SEMA6D: variants seen among roughly 807,000 people sequenced by gnomAD.
SEMA6D encodes semaphorin 6D.
Under a neutral mutation model 106.6 loss-of-function variants are expected in SEMA6D, and 35 were observed. The ratio of observed to expected loss-of-function variants is 0.33; its 90% CI spans 0.25 to 0.44. SEMA6D has a LOEUF of 0.44. SEMA6D is among the 20% of genes least tolerant of loss of function. The pLI is 1.00. For missense variants in SEMA6D, 1,185 were observed against 1,345.9 expected (o/e 0.88, Z 1.87); for synonymous variants, 499 against 487.7 (o/e 1.02, Z -0.31).
intron 1 of SEMA6D, among the ~76,000 whole-genome samples, chr15:47,195,407 A>T (rs1894269905): frequency 6.6e-6 from 1 of 152,212 alleles, no homozygotes; most frequent in African/African-American, 2.4e-5. Context: ...AAAAATGATT[A>T]TCTGGTGTTG....
chr15:47,717,948 G>GAC (rs2079188683), intron 1 of SEMA6D, among the ~76,000 whole-genome samples: 1 of 151,918 alleles, frequency 6.6e-6, no homozygotes, highest in Admixed American at 6.5e-5. Context: ...CGCGCAAAGG[G>GAC]CTAGAGAGGT....
chr15:47,498,648 GAT>G (rs1319379798), intron 3 of SEMA6D, among the ~76,000 whole-genome samples: 1 of 152,068 alleles, frequency 6.6e-6, no homozygotes, highest in East Asian at 1.9e-4. Flanking sequence ...AAATTTGAAG[GAT>G]ATGTTTATCA....
chr15:47,376,113 T>A (rs1416476966), intron 1 of SEMA6D, among the ~76,000 whole-genome samples: 1 of 152,232 alleles, frequency 6.6e-6, no homozygotes, highest in African/African-American at 2.4e-5. Context: ...TAGTCTCTTT[T>A]AGAAGAAAAC....
chr15:47,335,701 G>A (rs550643261), intron 1 of SEMA6D, among the ~76,000 whole-genome samples: 1 of 152,092 alleles, frequency 6.6e-6, no homozygotes, highest in African/African-American at 2.4e-5. Flanking sequence ...TTCCACATAT[G>A]GGTCTCACTG....
chr15:47,401,626 T>G (rs2040403907), intron 1 of SEMA6D, among the ~76,000 whole-genome samples: 1 of 152,188 alleles, frequency 6.6e-6, no homozygotes. Flanking sequence ...TTACACTGTT[T>G]CCCAAGAATG....
chr15:47,511,719 G>A (rs1414108852), intron 3 of SEMA6D, among the ~76,000 whole-genome samples: 2 of 152,138 alleles, frequency 1.3e-5, no homozygotes, highest in African/African-American at 4.8e-5. Flanking sequence ...AGGAAATCAA[G>A]GGAGCTGAGT....
chr15:47,210,843 T>G (rs1451027848), intron 1 of SEMA6D, among the ~76,000 whole-genome samples: 1 of 151,974 alleles, frequency 6.6e-6, no homozygotes, highest in East Asian at 1.9e-4. Context: ...AGTTAAACCT[T>G]TCATCGGTAA....
chr15:47,198,582 G>C (rs962096563), intron 1 of SEMA6D, among the ~76,000 whole-genome samples: 2 of 152,150 alleles, frequency 1.3e-5, no homozygotes, highest in Non-Finnish European at 2.9e-5. Flanking sequence ...AAGGGCTCCT[G>C]TGTTGTGTAA....
chr15:47,373,178 C>T (rs910390973), intron 1 of SEMA6D, among the ~76,000 whole-genome samples: 2 of 152,118 alleles, frequency 1.3e-5, no homozygotes, highest in Non-Finnish European at 2.9e-5. Flanking sequence ...CTATGGAGCC[C>T]ATAATATCCA....
intron 1 of SEMA6D, among the ~76,000 whole-genome samples, chr15:47,720,963 C>T (rs1186694290): frequency 6.6e-6 from 1 of 152,100 alleles, no homozygotes; most frequent in East Asian, 1.9e-4. Flanking sequence ...AAAATATTGT[C>T]TTTTATTTTA....
At chr15:47,732,725 A>G (rs586799) in intron 1 of SEMA6D, among the ~76,000 whole-genome samples, 44,230 of 152,098 alleles carry the variant, frequency 0.29, 7,940 homozygotes, top group Non-Finnish European at 0.4. Flanking sequence ...TTGGCCAGCA[A>G]TGTTTTTCTG....
At chr15:47,517,800 A>G (rs1160006576) in intron 3 of SEMA6D, among the ~76,000 whole-genome samples, 2 of 152,110 alleles carry the variant, frequency 1.3e-5, no homozygotes, top group Non-Finnish European at 2.9e-5. Context: ...ACTGACTTCT[A>G]CCCTTAACAA....
intron 1 of SEMA6D, among the ~76,000 whole-genome samples, chr15:47,355,612 C>T (rs144244391): frequency 7.9e-5 from 12 of 152,284 alleles, no homozygotes; most frequent in African/African-American, 2.9e-4. Context: ...TTTCTGTGTC[C>T]TGTAACCTTC....
At chr15:47,584,440 A>AT (rs1282287250) in intron 3 of SEMA6D, among the ~76,000 whole-genome samples, 1 of 151,828 alleles carries the variant, frequency 6.6e-6, no homozygotes, top group Admixed American at 6.6e-5. Context: ...AAAAAAAAAA[A>AT]GGAGAGTGAA....
chr15:47,658,886 A>G (rs910028607), intron 4 of SEMA6D, among the ~76,000 whole-genome samples: 1 of 152,152 alleles, frequency 6.6e-6, no homozygotes, highest in Non-Finnish European at 1.5e-5. Flanking sequence ...ACAACAGTTT[A>G]GAAAATATAA....
intron 4 of SEMA6D, among the ~76,000 whole-genome samples, chr15:47,707,491 T>TA (rs1336213607): frequency 3.3e-5 from 5 of 152,228 alleles, no homozygotes; most frequent in Non-Finnish European, 5.9e-5. Context: ...AGATAGTAGA[T>TA]AAAATATGAT....
intron 3 of SEMA6D, among the ~76,000 whole-genome samples, chr15:47,552,805 A>T (rs192429107): frequency 0.038 from 247 of 6,550 alleles, 8 homozygotes; most frequent in East Asian, 0.12. Flanking sequence ...TATATATATA[A>T]AAATATATAT....
intron 4 of SEMA6D, among the ~76,000 whole-genome samples, chr15:47,622,121 A>G (rs2077113209): frequency 6.6e-6 from 1 of 151,862 alleles, no homozygotes; most frequent in Non-Finnish European, 1.5e-5. Flanking sequence ...GGTTATAAAT[A>G]ACTTACTGAC....
intron 2 of SEMA6D, 64 bp downstream of exon 2, chr15:47,759,971 A>G (rs1597040031): frequency 1.9e-5 from 23 of 1,221,440 alleles, no homozygotes; most frequent in Non-Finnish European, 2.6e-5. Flanking sequence ...TCATTCTGTA[A>G]GCATGTTCAT....
Sources: gnomAD v4.1 joint callset for allele counts (sites outside exome capture counted in the v4.1 genomes callset) on GRCh38, gnomAD v4.1.1 for gene constraint, MANE v1.5 for transcripts, NCBI Gene and HGNC (gene_info 2026-07-23, HGNC 2026-07-21) for gene names.